Variants in SYTL5 observed in about 807,000 individuals in gnomAD.
SYTL5 encodes synaptotagmin like 5.
A neutral mutation model predicts 55.9 loss-of-function variants in SYTL5; 34 were observed. The ratio of observed to expected loss-of-function variants is 0.61; its 90% confidence interval spans 0.46 to 0.81. SYTL5 has a LOEUF of 0.81. Ranked by LOEUF, SYTL5 falls within the 30% of genes least tolerant of loss-of-function variation. SYTL5 has a pLI of 0.00. For missense variants in SYTL5, 637 were observed against 546.7 expected, an observed-to-expected ratio of 1.17 and a Z score of -1.65; for synonymous variants, 221 against 188.7, an observed-to-expected ratio of 1.17 and a Z score of -1.40.
At chrX:37,919,149 G>A in the SYTL5 span, among the ~76,000 whole-genome samples, 1 of 111,300 alleles carries the variant, frequency 9.0e-6, no homozygotes, top group East Asian at 2.8e-4. Flanking sequence ...TTAGAATCCC[G>A]AGGGGAGGAC....
the SYTL5 span, among the ~76,000 whole-genome samples, chrX:37,941,797 G>A: frequency 1.4e-4 from 16 of 112,209 alleles, no homozygotes; most frequent in Non-Finnish European, 3.0e-4. Context: ...AAGGACTGAA[G>A]CATTTTAGGA....
chrX:38,128,629 A>G lies in SYTL5; in HGVS notation c.*1899A>G, dbSNP rs1008638705. Reference sequence around the variant, plus strand: ...GTAAGGGAATACGCAATCCAGTTTCAATTTTATTCAGAAGTAGGTCACCTA... The same window carrying G: ...GTAAGGGAATACGCAATCCAGTTTCGATTTTATTCAGAAGTAGGTCACCTA... On this transcript the variant is annotated 3_prime_UTR_variant, in exon 17 of 17. Coordinates refer to ENST00000297875, the MANE Select transcript of SYTL5 (RefSeq NM_138780.3). 2 of 111,973 alleles carry G rather than the reference A, an allele frequency of 1.8e-5. No homozygotes were observed. Among genetic ancestry groups the G allele is most frequent in the Non-Finnish European group, 3.8e-5 (2 of 53,256 alleles). The allele number at this position is 111,973 out of a possible 1,213,427, so 9.2% of individuals were successfully genotyped here.
chrX:38,024,088 C>G (rs1183941284), intron 1 of SYTL5: 1 of 110,619 alleles, frequency 9.0e-6, no homozygotes, highest in Non-Finnish European at 1.9e-5. Flanking sequence ...TCTACATATC[C>G]AAATTTTTTG....
At chrX:37,936,511 G>A in the SYTL5 span, among the ~76,000 whole-genome samples, 1 of 111,521 alleles carries the variant, frequency 9.0e-6, no homozygotes, top group African/African-American at 3.3e-5. Flanking sequence ...CTTTTATCTA[G>A]GCTTTTCATC....
At chrX:38,037,810 ATAGATAGATAGATAG>A (rs1935152120) in intron 2 of SYTL5, among the ~76,000 whole-genome samples, 1 of 110,086 alleles carries the variant, frequency 9.1e-6, no homozygotes, top group Non-Finnish European at 1.9e-5. Flanking sequence ...AGATAGATAG[ATAGATAGATAGATAG>A]ATAGATAGAT....
chrX:38,019,589 T>C (rs1242732437), intron 1 of SYTL5, among the ~76,000 whole-genome samples: 3 of 112,126 alleles, frequency 2.7e-5, no homozygotes, highest in Non-Finnish European at 5.6e-5. Context: ...TTCATGAATG[T>C]ATCCCCTAGA....
At chrX:38,006,349 A>T (rs1029505191), upstream of SYTL5, among the ~76,000 whole-genome samples, 1 of 111,629 alleles carries the variant, frequency 9.0e-6, no homozygotes, top group Non-Finnish European at 1.9e-5. Context: ...TGTAAAAAAT[A>T]CCTCATGTCA....
At chrX:37,983,545 A>G in the SYTL5 span, among the ~76,000 whole-genome samples, 1 of 112,396 alleles carries the variant, frequency 8.9e-6, no homozygotes, top group Admixed American at 9.4e-5. Flanking sequence ...AGACAATTTA[A>G]CAATAATAGA....
At chrX:38,120,532 A>C in intron 14 of SYTL5, 66 bp downstream of exon 14, 4 of 839,375 alleles carry the variant, frequency 4.8e-6, no homozygotes, top group Non-Finnish European at 7.1e-6. Context: ...AGTGGGACTC[A>C]GGGATTGGTT....
the SYTL5 span, among the ~76,000 whole-genome samples, chrX:37,924,519 A>G: frequency 9.7e-3 from 1,083 of 111,593 alleles, 12 homozygotes; most frequent in African/African-American, 0.034. Context: ...CTTATTGTAT[A>G]GCTTATAGAA....
At chrX:38,054,486 G>A in intron 3 of SYTL5, 64 bp downstream of exon 3, 1 of 1,032,997 alleles carries the variant, frequency 9.7e-7, no homozygotes, top group Non-Finnish European at 1.3e-6. Context: ...AGTGGGGAAG[G>A]CAAAAGAGAA....
At chrX:37,937,892 G>A in the SYTL5 span, among the ~76,000 whole-genome samples, 2 of 112,338 alleles carry the variant, frequency 1.8e-5, no homozygotes, top group Non-Finnish European at 3.8e-5. Context: ...GAAAGTCTAT[G>A]GATTTAATGA....
At chrX:37,974,914 G>T in the SYTL5 span, among the ~76,000 whole-genome samples, 3 of 111,964 alleles carry the variant, frequency 2.7e-5, no homozygotes, top group Non-Finnish European at 5.6e-5. Flanking sequence ...GGATAGGGGT[G>T]GGGTCATTGT....
rs769674115 is a variant in SYTL5 at position 38,043,225 on chromosome X, A to C, written c.119+9217A>C. On this transcript the variant is annotated intron_variant, in intron 2 of 16. Coordinates refer to ENST00000297875, the MANE Select transcript of SYTL5 (RefSeq NM_138780.3). ...ACCTCAATCCACTTAAACATTTAAT[A>C]TCTTCTGATACATATTTTCATTATA... 3.6e-5 allele frequency among the ~76,000 whole-genome samples: 4 copies of C among 111,194 alleles called. No individual in the cohort carries two copies. The South Asian group carries it at 1.5e-3, about 42-fold the overall frequency.
At chrX:38,110,593 C>A in intron 13 of SYTL5, 111 bp downstream of exon 13, 2 of 632,042 alleles carry the variant, frequency 3.2e-6, no homozygotes, top group Non-Finnish European at 4.5e-6. Context: ...TGATAATCTG[C>A]AAAAAATTAG....
intron 3 of SYTL5, among the ~76,000 whole-genome samples, chrX:38,055,545 G>A (rs769072869): frequency 1.8e-3 from 196 of 111,717 alleles, no homozygotes; most frequent in Non-Finnish European, 3.1e-3. Flanking sequence ...TACCTTTCCT[G>A]TGAATCCAAT....
intron 2 of SYTL5, among the ~76,000 whole-genome samples, chrX:38,038,276 C>T (rs1472714187): frequency 9.0e-6 from 1 of 111,620 alleles, no homozygotes; most frequent in Non-Finnish European, 1.9e-5. Context: ...TGGCTATAGC[C>T]CCCGTTCCCA....
At chrX:37,925,184 G>A in the SYTL5 span, among the ~76,000 whole-genome samples, 1 of 111,721 alleles carries the variant, frequency 9.0e-6, no homozygotes, top group Non-Finnish European at 1.9e-5. Context: ...TGATGTAAAT[G>A]ACAGAATTTC....
the SYTL5 span, among the ~76,000 whole-genome samples, chrX:37,918,479 C>T: frequency 8.9e-6 from 1 of 112,058 alleles, no homozygotes; most frequent in East Asian, 2.8e-4. Flanking sequence ...TTAGCAAACC[C>T]AGCCAAAATC....
Sources: allele counts gnomAD v4.1 joint callset (sites outside exome capture counted in the v4.1 genomes callset), GRCh38; gene constraint gnomAD v4.1.1; transcripts MANE v1.5; gene names NCBI Gene and HGNC (gene_info 2026-07-23, HGNC 2026-07-21).